The following IGF2BP2 variants were observed in gnomAD, a reference collection of about 807,000 sequenced individuals.
IGF2BP2 encodes the protein insulin-like growth factor 2 mRNA-binding protein 2.
In IGF2BP2, 17 loss-of-function variants were observed where a neutral mutation model predicts 75.8. That is an observed-to-expected ratio of 0.22 (90% CI 0.15 to 0.34). The LOEUF (loss-of-function observed/expected upper bound fraction) is 0.34. IGF2BP2 is among the 10% of genes least tolerant of loss of function. IGF2BP2 has a pLI of 1.00. For synonymous variants in IGF2BP2, 288 were observed against 295.6 expected (o/e 0.97, Z 0.26); for missense variants, 516 against 772.4 (o/e 0.67, Z 3.93).
chr3:185,742,290 T>A (rs1729663251), intron 2 of IGF2BP2, among the ~76,000 whole-genome samples: 1 of 151,688 alleles, frequency 6.6e-6, no homozygotes, highest in South Asian at 2.1e-4. Flanking sequence ...GGTCAGGGGT[T>A]CGAGACCAGC....
chr3:185,645,236 G>C lies in IGF2BP2; in HGVS notation c.*295C>G. On this transcript the variant is annotated 3_prime_UTR_variant, in exon 16 of 16. Coordinates refer to ENST00000382199, the MANE Select transcript of IGF2BP2 (RefSeq NM_006548.6). This position sits in a 1 kb window ranked among gnomAD's most constrained non-coding sequence, Gnocchi z 4.9. ...TTCAACTAAAAGGGATAGCGTCGTGGGAGTTCAGGAGAGATCCGAGTGGAT... is the reference window on the plus strand; with the variant it reads ...TTCAACTAAAAGGGATAGCGTCGTGCGAGTTCAGGAGAGATCCGAGTGGAT... The C allele has an allele frequency of 2.2e-6, 1 of 453,372 alleles. No individual in the cohort carries two copies. The highest frequency in any genetic ancestry group is 3.5e-5 in the East Asian group (1 of 28,522). The allele number at this position is 453,372 out of a possible 1,614,324, so 28.1% of individuals were successfully genotyped here.
rs762044576 is a variant in IGF2BP2 at position 185,652,138 on chromosome 3, C to T, written c.1417G>A (p.Glu473Lys). 20 of 1,613,018 alleles carry T rather than the reference C, an allele frequency of 1.2e-5. No homozygotes were observed. The highest frequency in any genetic ancestry group is 4.0e-5 in the African/African-American group (3 of 74,936). The change falls in exon 13 of 16, where the codon GAA (glutamate) becomes AAA (lysine). Residue 473 changes from glutamate to lysine, a missense_variant. Around this residue, in one of 3 missense-constraint regions of IGF2BP2, gnomAD observed 129 missense variants for 230.5 expected, o/e 0.56. Coordinates refer to ENST00000382199, the MANE Select transcript of IGF2BP2 (RefSeq NM_006548.6). The part of the protein sequence containing the change: ...IAPAEGPDVS[E>K]RMVIITGPPE... The stretch of plus-strand genomic sequence containing the variant: ...GGCCCGGTGATGATGACCATCCTTT[C>T]GCTGACGTCTGGGCCTTCCGCAGGG...
chr3:185,799,738 C>T (rs1291994638), intron 2 of IGF2BP2, among the ~76,000 whole-genome samples: 1 of 147,400 alleles, frequency 6.8e-6, no homozygotes, highest in Non-Finnish European at 1.5e-5. Context: ...GGAGACAGAG[C>T]GAGACTCCGT....
chr3:185,682,258 T>C (rs1720498428), intron 7 of IGF2BP2, among the ~76,000 whole-genome samples: 1 of 152,136 alleles, frequency 6.6e-6, no homozygotes, highest in Non-Finnish European at 1.5e-5. Context: ...TTTTAGGAGG[T>C]GATGAGTTAA....
At chr3:185,721,240 C>T (rs145384382) in intron 2 of IGF2BP2, among the ~76,000 whole-genome samples, 84 of 152,080 alleles carry the variant, frequency 5.5e-4, no homozygotes, top group African/African-American at 1.9e-3. Context: ...GATGGTGTCT[C>T]GATCTGTCAC....
Position 185,825,024 on chromosome 3 carries a change from G to A in IGF2BP2, c.-64C>T, listed in dbSNP as rs1741855738. The A allele has an allele frequency of 6.0e-6, 8 of 1,323,622 alleles. 1 individual carries two copies. In the South Asian group the frequency reaches 1.2e-4, roughly 19 times the overall value. 82.0% of individuals were successfully genotyped at this position (1,323,622 alleles called of 1,614,324 possible). A position where few individuals can be genotyped will look rare whatever the true frequency, so the allele number is the denominator to read the frequency against. ...GTACCCGGCGCTCCTCGCCTCCTCC[G>A]CTGCCCTCGTCTCTCCTCCTCCTCC... On this transcript the variant is annotated 5_prime_UTR_variant, in exon 1 of 16. Coordinates refer to ENST00000382199, the MANE Select transcript of IGF2BP2 (RefSeq NM_006548.6).
At chr3:185,728,066 G>A (rs1280993014) in intron 2 of IGF2BP2, among the ~76,000 whole-genome samples, 3 of 152,144 alleles carry the variant, frequency 2.0e-5, no homozygotes, top group African/African-American at 7.2e-5. Flanking sequence ...CATAGGGAGG[G>A]GCACTTCCGT....
chr3:185,687,334 T>C (rs922677070), intron 6 of IGF2BP2, 143 bp from the exon 7 acceptor site: 27 of 807,660 alleles, frequency 3.3e-5, no homozygotes, highest in South Asian at 3.1e-4. Context: ...TCAGTGCCAT[T>C]CTCCAAGAAG....
intron 2 of IGF2BP2, among the ~76,000 whole-genome samples, chr3:185,759,052 G>T (rs1418264434): frequency 2.0e-5 from 3 of 152,168 alleles, no homozygotes; most frequent in African/African-American, 7.2e-5. Flanking sequence ...CTGTGAGGGG[G>T]ACACACCTAG....
intron 2 of IGF2BP2, among the ~76,000 whole-genome samples, chr3:185,707,655 G>C (rs950143607): frequency 6.6e-6 from 1 of 151,964 alleles, no homozygotes; most frequent in Admixed American, 6.6e-5. Context: ...ACTGAAGGAA[G>C]ACTAAAAATC....
At position 185,799,613 on chromosome 3, in the gene IGF2BP2, G is replaced by A. The variant is rs535859261; in HGVS notation, c.239+23540C>T. 8.5e-5 allele frequency among the ~76,000 whole-genome samples: 13 copies of A among 152,256 alleles called. No individual in the cohort carries two copies. The East Asian group carries it at 1.7e-3, about 20-fold the overall frequency. ...AAAATACAAAAAAAATTAGCTGGGC[G>A]TGGTGGCGGGTGACTGTAGTCCCAG... is the stretch of plus-strand genomic sequence containing the variant. On this transcript the variant is annotated intron_variant, in intron 2 of 15. Transcript: ENST00000382199.
chr3:185,811,497 T>G (rs1739817703), intron 2 of IGF2BP2, among the ~76,000 whole-genome samples: 1 of 152,132 alleles, frequency 6.6e-6, no homozygotes. Context: ...CATAAAAAAT[T>G]TTGAATTGTT....
chr3:185,779,201 G>C (rs1000383355), intron 2 of IGF2BP2, among the ~76,000 whole-genome samples: 32 of 151,926 alleles, frequency 2.1e-4, no homozygotes, highest in African/African-American at 7.5e-4. Context: ...ATCTACCACA[G>C]GAAATCTAGG....
intron 2 of IGF2BP2, among the ~76,000 whole-genome samples, chr3:185,708,022 T>C (rs192261803): frequency 2.0e-5 from 3 of 152,340 alleles, no homozygotes; most frequent in Non-Finnish European, 2.9e-5. Context: ...GCATGAAGGT[T>C]TTCCCAAATC....
intron 2 of IGF2BP2, among the ~76,000 whole-genome samples, chr3:185,769,731 A>AGGT (rs1733605498): frequency 6.9e-6 from 1 of 144,302 alleles, no homozygotes; most frequent in South Asian, 2.3e-4. Context: ...CAGGAGGCTG[A>AGGT]GGTGGAAGGA....
chr3:185,780,738 C>T (rs1578277360), intron 2 of IGF2BP2, among the ~76,000 whole-genome samples: 1 of 152,252 alleles, frequency 6.6e-6, no homozygotes, highest in East Asian at 1.9e-4. Context: ...GAATTACTCA[C>T]CAGGCTATGT....
chr3:185,804,223 T>C (rs1391844105), intron 2 of IGF2BP2, among the ~76,000 whole-genome samples: 3 of 137,984 alleles, frequency 2.2e-5, no homozygotes, highest in African/African-American at 8.4e-5. Flanking sequence ...GCCATTGTAC[T>C]CCAGCCTGGA....
chr3:185,788,046 T>C (rs1736129391), intron 2 of IGF2BP2, among the ~76,000 whole-genome samples: 1 of 152,226 alleles, frequency 6.6e-6, no homozygotes, highest in South Asian at 2.1e-4. Flanking sequence ...AAGCAAGGAC[T>C]TTCCTTATCT....
At chr3:185,719,854 A>AAAGG (rs1726239670) in intron 2 of IGF2BP2, among the ~76,000 whole-genome samples, 1 of 151,770 alleles carries the variant, frequency 6.6e-6, no homozygotes, top group Non-Finnish European at 1.5e-5. Flanking sequence ...GGAAGGAAGG[A>AAAGG]AAGGAAGGAA....
Sources: gnomAD v4.1 joint callset for allele counts (sites outside exome capture counted in the v4.1 genomes callset) on GRCh38, gnomAD v4.1.1 for gene constraint, gnomAD v4.1.1 regional missense constraint, Gnocchi (gnomAD v3.1) non-coding constraint, MANE v1.5 for transcripts, NCBI Gene and HGNC (gene_info 2026-07-23, HGNC 2026-07-21) for gene names.